Variants in FRMD4B observed in about 807,000 individuals in gnomAD.
The protein encoded by FRMD4B is FERM domain-containing protein 4B.
In FRMD4B, 74 loss-of-function variants were observed where a neutral mutation model predicts 141.5. That is an observed-to-expected ratio of 0.52 (90% CI 0.43 to 0.63). FRMD4B has a LOEUF of 0.63. FRMD4B is among the 30% of genes least tolerant of loss of function. The probability of loss-of-function intolerance (pLI) is 0.00; values close to 1 mark genes in which losing one functional copy is unlikely to be tolerated. For missense variants in FRMD4B, 1,366 were observed against 1,253.4 expected (o/e 1.09, Z -1.36); for synonymous variants, 506 against 467.9 (o/e 1.08, Z -1.05).
chr3:69,479,950 ATTCAT>A (rs1429096415), intron 1 of FRMD4B, among the ~76,000 whole-genome samples: 3 of 151,886 alleles, frequency 2.0e-5, no homozygotes, highest in Admixed American at 6.6e-5. Context: ...GCTTCATTTC[ATTCAT>A]TTCATCTTCC....
chr3:69,407,457 C>T (rs1655469551), intron 2 of FRMD4B, among the ~76,000 whole-genome samples: 2 of 152,260 alleles, frequency 1.3e-5, no homozygotes, highest in Non-Finnish European at 2.9e-5. Flanking sequence ...CGGTCCCTAA[C>T]CTCAAGACAA....
At chr3:69,523,857 G>A (rs1700891490) in intron 1 of FRMD4B, among the ~76,000 whole-genome samples, 1 of 152,086 alleles carries the variant, frequency 6.6e-6, no homozygotes, top group Admixed American at 6.5e-5. Context: ...CTAAGCAGTT[G>A]GTTCCCTTAC....
At chr3:69,242,892 G>T (rs1559746462) in intron 7 of FRMD4B, among the ~76,000 whole-genome samples, 2 of 151,020 alleles carry the variant, frequency 1.3e-5, no homozygotes, top group African/African-American at 2.4e-5. Flanking sequence ...TACTCGGGAG[G>T]CTGAGGCAGG....
At chr3:69,452,584 G>T (rs1416698742) in intron 1 of FRMD4B, among the ~76,000 whole-genome samples, 1 of 152,192 alleles carries the variant, frequency 6.6e-6, no homozygotes, top group African/African-American at 2.4e-5. Flanking sequence ...GTGAATGAAA[G>T]AATCATTATC....
chr3:69,448,523 T>C (rs1012550284), intron 1 of FRMD4B, among the ~76,000 whole-genome samples: 3 of 152,226 alleles, frequency 2.0e-5, no homozygotes, highest in Admixed American at 1.3e-4. Context: ...TCCTCACTGA[T>C]ACTTGCCATT....
intron 1 of FRMD4B, among the ~76,000 whole-genome samples, chr3:69,468,661 T>C (rs192961874): frequency 6.6e-6 from 1 of 152,334 alleles, no homozygotes; most frequent in Non-Finnish European, 1.5e-5. Flanking sequence ...CTATCCTGTC[T>C]GGATGTGATG....
intron 4 of FRMD4B, among the ~76,000 whole-genome samples, chr3:69,289,151 G>A (rs1318716712): frequency 1.3e-5 from 2 of 152,116 alleles, no homozygotes; most frequent in African/African-American, 4.8e-5. Flanking sequence ...GAGGAGTTGG[G>A]GGAAAAATAG....
chr3:69,278,681 G>A (rs1327613728), intron 5 of FRMD4B, among the ~76,000 whole-genome samples: 1 of 151,964 alleles, frequency 6.6e-6, no homozygotes, highest in Non-Finnish European at 1.5e-5. Context: ...CCACCTCCTG[G>A]GTTCAAGCGA....
chr3:69,272,593 A>G (rs1192735998), intron 5 of FRMD4B, among the ~76,000 whole-genome samples: 4 of 152,274 alleles, frequency 2.6e-5, no homozygotes, highest in Admixed American at 6.5e-5. Flanking sequence ...ACACACACAC[A>G]CACATTCACA....
intron 13 of FRMD4B, chr3:69,196,674 T>C: frequency 1.7e-6 from 1 of 581,324 alleles, no homozygotes; most frequent in South Asian, 2.2e-5. Context: ...CACCAGTATA[T>C]ACAAACGTGC....
intron 1 of FRMD4B, among the ~76,000 whole-genome samples, chr3:69,443,923 C>T (rs145112367): frequency 2.6e-5 from 4 of 152,324 alleles, no homozygotes; most frequent in African/African-American, 7.2e-5. Flanking sequence ...TGTAACTTCC[C>T]CAATTACTCC....
intron 5 of FRMD4B, among the ~76,000 whole-genome samples, chr3:69,258,609 T>C (rs942396789): frequency 2.0e-5 from 3 of 152,222 alleles, no homozygotes; most frequent in Admixed American, 2.0e-4. Context: ...TGCATATTAT[T>C]TACTATTACC....
At chr3:69,510,181 G>C (rs949787243) in intron 1 of FRMD4B, among the ~76,000 whole-genome samples, 5 of 151,906 alleles carry the variant, frequency 3.3e-5, no homozygotes, top group African/African-American at 1.2e-4. Context: ...AATCCCTATA[G>C]AATACTTAGT....
At chr3:69,353,076 T>G (rs1380353415) in intron 1 of FRMD4B, among the ~76,000 whole-genome samples, 7 of 136,642 alleles carry the variant, frequency 5.1e-5, no homozygotes, top group Non-Finnish European at 7.9e-5. Context: ...ATAAAGAAAC[T>G]CCAGTATTTA....
At chr3:69,421,856 A>G (rs1704986828) in intron 2 of FRMD4B, among the ~76,000 whole-genome samples, 2 of 152,222 alleles carry the variant, frequency 1.3e-5, no homozygotes, top group Non-Finnish European at 1.5e-5. Context: ...AACAAAAAAT[A>G]AAGACAAAAT....
At chr3:69,384,960 C>G (rs2012720) in intron 1 of FRMD4B, among the ~76,000 whole-genome samples, 101,507 of 151,940 alleles carry the variant, frequency 0.67, 34,060 homozygotes, top group East Asian at 0.7. Flanking sequence ...ATGATATTAT[C>G]TTTCCACAGT....
intron 10 of FRMD4B, 75 bp from the exon 11 acceptor site, chr3:69,216,424 C>T (rs2093141686): frequency 3.3e-6 from 2 of 605,720 alleles, no homozygotes; most frequent in African/African-American, 1.9e-5. Flanking sequence ...TTACCAATTT[C>T]ACCTCTTTTT....
intron 1 of FRMD4B, among the ~76,000 whole-genome samples, chr3:69,350,814 G>T (rs1330373768): frequency 2.7e-5 from 4 of 145,686 alleles, no homozygotes; most frequent in Non-Finnish European, 6.0e-5. Context: ...GCACACGCTG[G>T]GGCCTGCCTT....
At chr3:69,252,810 C>T (rs1188304338) in intron 5 of FRMD4B, among the ~76,000 whole-genome samples, 2 of 152,124 alleles carry the variant, frequency 1.3e-5, no homozygotes, top group Non-Finnish European at 2.9e-5. Context: ...CAAGCCAACA[C>T]TTGAGAGAAG....
Sources: allele counts gnomAD v4.1 joint callset (sites outside exome capture counted in the v4.1 genomes callset), GRCh38; gene constraint gnomAD v4.1.1; transcripts MANE v1.5; gene names NCBI Gene and HGNC (gene_info 2026-07-23, HGNC 2026-07-21).